The following USP12 variants were observed in gnomAD, a reference collection of about 807,000 sequenced individuals.
USP12 encodes ubiquitin specific peptidase 12.
A neutral mutation model predicts 45.5 loss-of-function variants in USP12; 19 were observed. That is an observed-to-expected ratio of 0.42 (90% confidence interval 0.29 to 0.61). USP12 has a LOEUF of 0.61. USP12 is among the 20% of genes least tolerant of loss of function. The pLI, the probability that USP12 is intolerant of heterozygous loss-of-function variation, is 0.22. For synonymous variants in USP12, 149 were observed against 148.8 expected (o/e 1.00, Z -0.01); for missense variants, 242 against 447.7 (o/e 0.54, Z 4.15).
rs147111135 is a variant in USP12, at chr13:27,152,638, C to A, written c.48+18954G>T. On this transcript the variant is annotated intron_variant, in intron 1 of 8. Coordinates refer to ENST00000282344, the MANE Select transcript of USP12 (RefSeq NM_182488.4). ...GTATGTGAATTATATCTCAATAAAGCTGTTTTAAGAAAAAAGAATATGTGC... is the reference window on the plus strand; with the variant it reads ...GTATGTGAATTATATCTCAATAAAGATGTTTTAAGAAAAAAGAATATGTGC... 1.4e-3 allele frequency among the ~76,000 whole-genome samples: 218 copies of A among 152,272 alleles called. 2 individuals are homozygous for A. The highest frequency in any genetic ancestry group is 9.1e-4 in the Non-Finnish European group (62 of 68,014).
At chr13:27,095,974 G>A (rs1180815121) in intron 3 of USP12, 144 bp from the exon 4 acceptor site, 5 of 563,770 alleles carry the variant, frequency 8.9e-6, no homozygotes, top group Admixed American at 4.0e-5. Context: ...AATAACTTTC[G>A]CATCTAAAAC....
chr13:27,075,045 C>A, intron 7 of USP12, 146 bp downstream of exon 7: 1 of 659,520 alleles, frequency 1.5e-6, no homozygotes, highest in Non-Finnish European at 2.3e-6. Context: ...AAACATAAAG[C>A]TAAAACTCCA....
intron 1 of USP12, among the ~76,000 whole-genome samples, chr13:27,130,748 G>GT: frequency 6.6e-6 from 1 of 152,256 alleles, no homozygotes; most frequent in East Asian, 1.9e-4. Flanking sequence ...GACTAACGTG[G>GT]TTTTTTCAGT....
chr13:27,145,163 G>A (rs745699459), intron 1 of USP12, among the ~76,000 whole-genome samples: 5 of 152,112 alleles, frequency 3.3e-5, no homozygotes, highest in East Asian at 3.9e-4. Flanking sequence ...CTTCCAAATC[G>A]CAGGTCTCCT....
At chr13:27,152,959 A>AAG (rs1877648782) in intron 1 of USP12, among the ~76,000 whole-genome samples, 1 of 140,982 alleles carries the variant, frequency 7.1e-6, no homozygotes, top group Non-Finnish European at 1.5e-5. Flanking sequence ...AAAAAAAAAA[A>AAG]GAAAGAAAGA....
chr13:27,150,377 AG>A (rs1877513310), intron 1 of USP12, among the ~76,000 whole-genome samples: 1 of 152,222 alleles, frequency 6.6e-6, no homozygotes, highest in Non-Finnish European at 1.5e-5. Context: ...GACATATAAA[AG>A]AAAAAAACAT....
chr13:27,115,825 T>G (rs1039134497), intron 2 of USP12, among the ~76,000 whole-genome samples: 2 of 152,124 alleles, frequency 1.3e-5, no homozygotes, highest in African/African-American at 4.8e-5. Flanking sequence ...CACAGACACA[T>G]GGAGGCATTT....
chr13:27,159,632 T>G (rs1339828315), intron 1 of USP12, among the ~76,000 whole-genome samples: 1 of 152,242 alleles, frequency 6.6e-6, no homozygotes, highest in East Asian at 1.9e-4. Flanking sequence ...TATACATTTA[T>G]CTAAACTCAA....
intron 1 of USP12, among the ~76,000 whole-genome samples, chr13:27,151,312 C>CA (rs1208699552): frequency 2.0e-5 from 3 of 149,920 alleles, no homozygotes; most frequent in African/African-American, 2.5e-5. Context: ...TTCTGTCTCC[C>CA]AAAAAAAAGG....
At chr13:27,089,162 CCTT>C (rs1412076411) in intron 6 of USP12, among the ~76,000 whole-genome samples, 2 of 152,114 alleles carry the variant, frequency 1.3e-5, no homozygotes, top group South Asian at 2.1e-4. Flanking sequence ...TGGACAGAAT[CCTT>C]CTTCTATAAA....
At chr13:27,097,133 A>C (rs1478404894) in intron 3 of USP12, among the ~76,000 whole-genome samples, 1 of 152,066 alleles carries the variant, frequency 6.6e-6, no homozygotes, top group African/African-American at 2.4e-5. Context: ...AAGGCTAAAA[A>C]ACATGAGAAA....
At chr13:27,153,930 A>G (rs1877699615) in intron 1 of USP12, among the ~76,000 whole-genome samples, 1 of 152,218 alleles carries the variant, frequency 6.6e-6, no homozygotes. Flanking sequence ...AAGTTTACTG[A>G]GGTATCAAAT....
In USP12 at chr13:27,086,282, TACAC is replaced by T. The variant is rs71083627; in HGVS notation, c.734+3597_734+3600del. On this transcript the variant is annotated intron_variant, in intron 6 of 8. Transcript: ENST00000282344. The stretch of plus-strand genomic sequence containing the variant: ...ACATATACATACACATATATATAAT[TACAC>T]ACACACACACACACACACACACAAT... Among the ~76,000 whole-genome samples, 441 of 137,408 alleles carry T rather than the reference TACAC, an allele frequency of 3.2e-3. 6 individuals are homozygous for T. Among genetic ancestry groups the T allele is most frequent in the East Asian group, 0.015 (73 of 4,810 alleles). The allele number at this position is 137,408 out of a possible 152,430, so 90.1% of individuals were successfully genotyped here.
At chr13:27,124,435 A>T (rs1050162740) in intron 1 of USP12, among the ~76,000 whole-genome samples, 1 of 152,272 alleles carries the variant, frequency 6.6e-6, no homozygotes, top group Non-Finnish European at 1.5e-5. Flanking sequence ...AAGAATGTGC[A>T]TCTATCATTT....
chr13:27,069,484 G>A lies in USP12; in HGVS notation c.1012-100C>T, dbSNP rs989981017. On this transcript the variant is annotated intron_variant, in intron 8 of 8. Coordinates refer to ENST00000282344, the MANE Select transcript of USP12 (RefSeq NM_182488.4). ...ACAATACCAAGTATTTGGTGAAAAT[G>A]TGGGGAAAATGGAACTCTCACACAC... 118 of 924,548 alleles carry A rather than the reference G, an allele frequency of 1.3e-4. No homozygotes were observed. In the African/African-American group the frequency reaches 1.6e-3, roughly 13 times the overall value. The allele number at this position is 924,548 out of a possible 1,614,324, so 57.3% of individuals were successfully genotyped here.
intron 1 of USP12, chr13:27,117,703 G>C (rs1371532454): frequency 9.6e-6 from 5 of 518,174 alleles, no homozygotes; most frequent in South Asian, 4.2e-5. Context: ...CTGGAAGAGG[G>C]ATGGACCATG....
chr13:27,069,936 T>C (rs1873165472), intron 8 of USP12, among the ~76,000 whole-genome samples: 1 of 151,872 alleles, frequency 6.6e-6, no homozygotes, highest in South Asian at 2.1e-4. Context: ...AACAAGACTG[T>C]CTCCCAAAAC....
chr13:27,095,686 T>G lies in USP12; in HGVS notation c.488A>C (p.Asn163Thr). 1.9e-6 allele frequency: 3 copies of G among 1,613,332 alleles called. No homozygotes were observed. Among genetic ancestry groups the G allele is most frequent in the Non-Finnish European group, 2.5e-6 (3 of 1,179,582 alleles). Residue 163 changes from asparagine (N) to threonine (T), a missense_variant, in exon 4 of 9, where the codon AAT (asparagine) becomes ACT (threonine). Around this residue, in one of 5 missense-constraint regions of USP12, gnomAD observed 40 missense variants for 38.6 expected, o/e 1.04. Transcript: ENST00000282344. ...LPNGNIDNEN[N>T]NSTPDPTWVH... ...CCACGTTGGGTCTGGTGTGCTGTTA[T>G]TATTTTCATTATCAATATTACCATT... is the stretch of plus-strand genomic sequence containing the variant.
intron 1 of USP12, among the ~76,000 whole-genome samples, chr13:27,144,362 G>A (rs1381326015): frequency 6.6e-6 from 1 of 152,032 alleles, no homozygotes; most frequent in African/African-American, 2.4e-5. Flanking sequence ...AGGCATGGTG[G>A]TGCATACCTG....
Sources: allele counts gnomAD v4.1 joint callset (sites outside exome capture counted in the v4.1 genomes callset), GRCh38; gene constraint gnomAD v4.1.1; regional missense constraint gnomAD v4.1.1; transcripts MANE v1.5; gene names NCBI Gene and HGNC (gene_info 2026-07-23, HGNC 2026-07-21).